UNC79: variants seen among roughly 807,000 people sequenced by gnomAD.
The protein encoded by UNC79 is unc-79 subunit of NALCN channel complex, also known as protein unc-79 homolog.
In UNC79, 37 loss-of-function variants were observed where a neutral mutation model predicts 283.1. That is an observed-to-expected ratio of 0.13 (90% CI 0.10 to 0.17). The LOEUF (loss-of-function observed/expected upper bound fraction) is 0.17. Ranked by LOEUF, UNC79 falls within the 10% of genes least tolerant of loss-of-function variation. The pLI, the probability that UNC79 is intolerant of heterozygous loss-of-function variation, is 1.00. For synonymous variants in UNC79, 1,107 were observed against 1,200.2 expected (o/e 0.92, Z 1.61); for missense variants, 2,272 against 3,211.1 (o/e 0.71, Z 7.07).
rs149926771 is a variant in UNC79 at position 93,340,099 on chromosome 14, C to G, written c.-351+6576C>G. The stretch of plus-strand genomic sequence containing the variant: ...CTGTTCATGACAGCTATAGAAACAC[C>G]TGGACTGGTTACAACTTGGCAGTTG... On this transcript the variant is annotated intron_variant, in intron 1 of 49. Coordinates refer to the UNC79 transcript ENST00000256339. Among the ~76,000 whole-genome samples the G allele has an allele frequency of 1.8e-4, 27 of 152,290 alleles. No homozygotes were observed. In the East Asian group the frequency reaches 4.8e-3, roughly 27 times the overall value.
In UNC79 at chr14:93,401,519, G is replaced by A. The variant is rs79938338; in HGVS notation, c.-350-66152G>A. 1.5e-4 allele frequency among the ~76,000 whole-genome samples: 23 copies of A among 152,280 alleles called. No individual in the cohort carries two copies. The East Asian group carries it at 4.0e-3, about 27-fold the overall frequency. On this transcript the variant is annotated intron_variant, in intron 1 of 49. Transcript: ENST00000256339. ...GGACTCCAGGCTGAAAGCAGACAAC[G>A]CATTTCAGGTTTGAGTAGTGCTCTT...
chr14:93,433,980 G>A (rs773291422), intron 1 of UNC79, among the ~76,000 whole-genome samples: 2 of 152,138 alleles, frequency 1.3e-5, no homozygotes, highest in Admixed American at 6.5e-5. Flanking sequence ...TTGGGAGGCC[G>A]AGGCAGGTGG....
chr14:93,469,152 A>G (rs1046472695), intron 2 of UNC79, among the ~76,000 whole-genome samples: 10 of 152,208 alleles, frequency 6.6e-5, no homozygotes, highest in Admixed American at 6.5e-5. Flanking sequence ...CTTAGGTCTT[A>G]GTGATTGTGC....
At chr14:93,345,249 C>T (rs1282310243) in intron 1 of UNC79, among the ~76,000 whole-genome samples, 7 of 152,170 alleles carry the variant, frequency 4.6e-5, no homozygotes, top group African/African-American at 1.7e-4. Flanking sequence ...AAATACATTT[C>T]CGTCATTTAT....
At chr14:93,508,854 G>C (rs958301152) in intron 7 of UNC79, among the ~76,000 whole-genome samples, 1 of 152,052 alleles carries the variant, frequency 6.6e-6, no homozygotes, top group Non-Finnish European at 1.5e-5. Flanking sequence ...ACTTATTGCT[G>C]TTTTCTTTCT....
intron 1 of UNC79, among the ~76,000 whole-genome samples, chr14:93,442,389 C>T (rs1303196108): frequency 2.0e-5 from 3 of 151,830 alleles, no homozygotes; most frequent in African/African-American, 7.3e-5. Context: ...AAATCTCTTC[C>T]TTTATTTCTT....
At chr14:93,584,864 T>A (rs912489490) in intron 20 of UNC79, among the ~76,000 whole-genome samples, 43 of 137,178 alleles carry the variant, frequency 3.1e-4, no homozygotes, top group African/African-American at 1.1e-3. Flanking sequence ...TCTGGCTAAG[T>A]TTTTTTTTTT....
At chr14:93,643,262 C>T (rs192693059) in intron 33 of UNC79, among the ~76,000 whole-genome samples, 3 of 152,186 alleles carry the variant, frequency 2.0e-5, no homozygotes, top group South Asian at 2.1e-4. Context: ...ACTGATGGCC[C>T]AGTTGGTACT....
chr14:93,550,753 C>G (rs1390613992), intron 14 of UNC79, among the ~76,000 whole-genome samples: 1 of 151,864 alleles, frequency 6.6e-6, no homozygotes, highest in Non-Finnish European at 1.5e-5. Context: ...TTCACAAAAC[C>G]CATTTAGAAT....
intron 47 of UNC79, 90 bp downstream of exon 50, chr14:93,694,502 GT>G: frequency 8.1e-7 from 1 of 1,238,882 alleles, no homozygotes; most frequent in Non-Finnish European, 1.2e-6. Flanking sequence ...AAGATAATTA[GT>G]TTTAACATTC....
At chr14:93,566,385 G>A (rs2062880620) in intron 14 of UNC79, among the ~76,000 whole-genome samples, 1 of 152,162 alleles carries the variant, frequency 6.6e-6, no homozygotes, top group Non-Finnish European at 1.5e-5. Context: ...AGCATTGGTA[G>A]GGATTGTTTT....
chr14:93,440,025 C>A (rs2056235183), intron 1 of UNC79, among the ~76,000 whole-genome samples: 1 of 150,842 alleles, frequency 6.6e-6, no homozygotes. Flanking sequence ...AACAGTAGAT[C>A]AAAAATATTT....
chr14:93,660,365 T>C (rs1217929646), intron 39 of UNC79, among the ~76,000 whole-genome samples: 1 of 151,692 alleles, frequency 6.6e-6, no homozygotes, highest in Admixed American at 6.6e-5. Flanking sequence ...TTTGGGTCCA[T>C]ATCGCCCCAT....
chr14:93,490,284 C>A (rs915696407), intron 5 of UNC79, among the ~76,000 whole-genome samples: 2 of 152,130 alleles, frequency 1.3e-5, no homozygotes, highest in Admixed American at 1.3e-4. Context: ...TAAATGGTCA[C>A]TTGGCTACAC....
chr14:93,599,868 T>C (rs573180176), intron 24 of UNC79, among the ~76,000 whole-genome samples: 59 of 152,322 alleles, frequency 3.9e-4, no homozygotes, highest in Non-Finnish European at 6.9e-4. Flanking sequence ...TTCTAAAATG[T>C]AACTTTGAAA....
intron 4 of UNC79, among the ~76,000 whole-genome samples, chr14:93,485,655 C>T (rs567640665): frequency 1.6e-4 from 25 of 152,248 alleles, no homozygotes; most frequent in Admixed American, 7.2e-4. Context: ...AACTTGACAT[C>T]TAAGAGCAGT....
At chr14:93,450,082 C>T (rs1025743307) in intron 1 of UNC79, among the ~76,000 whole-genome samples, 2 of 152,140 alleles carry the variant, frequency 1.3e-5, no homozygotes, top group Non-Finnish European at 2.9e-5. Context: ...GAAGTGAGTC[C>T]TGGGAAAGAA....
chr14:93,627,471 A>C (rs1157686179), intron 30 of UNC79, among the ~76,000 whole-genome samples: 1 of 152,210 alleles, frequency 6.6e-6, no homozygotes, highest in African/African-American at 2.4e-5. Context: ...GGGATTGGCC[A>C]AGGCTGGGTG....
chr14:93,426,799 A>T (rs547523363), upstream of UNC79, among the ~76,000 whole-genome samples: 1 of 152,060 alleles, frequency 6.6e-6, no homozygotes, highest in African/African-American at 2.4e-5. Context: ...GCAGACTTAC[A>T]TGATTTAAAA....
Sources: allele counts gnomAD v4.1 joint callset (sites outside exome capture counted in the v4.1 genomes callset), GRCh38; gene constraint gnomAD v4.1.1; transcripts MANE v1.5; gene names NCBI Gene and HGNC (gene_info 2026-07-23, HGNC 2026-07-21).